SHISA9: variants seen among roughly 807,000 people sequenced by gnomAD.
The protein encoded by SHISA9 is protein shisa-9.
SHISA9 carries 13 observed loss-of-function variants against 38.0 expected under a neutral mutation model. That is an observed-to-expected ratio of 0.34 (90% CI 0.22 to 0.54). The LOEUF (loss-of-function observed/expected upper bound fraction) is 0.54, where lower values mean the gene tolerates loss of function less well. Ranked by LOEUF, SHISA9 falls within the 20% of genes least tolerant of loss-of-function variation. The pLI is 0.91. For synonymous variants in SHISA9, 275 were observed against 242.0 expected (o/e 1.14, Z -1.27); for missense variants, 538 against 575.8 (o/e 0.93, Z 0.67).
chr16:13,409,753 G>C, the SHISA9 span, among the ~76,000 whole-genome samples: 1 of 152,228 alleles, frequency 6.6e-6, no homozygotes, highest in South Asian at 2.1e-4. Flanking sequence ...TAACAAGAGA[G>C]AAGTTCAGGT....
At chr16:13,430,744 CAAA>C in the SHISA9 span, among the ~76,000 whole-genome samples, 1 of 143,662 alleles carries the variant, frequency 7.0e-6, no homozygotes. Flanking sequence ...CATCTCTAAA[CAAA>C]AAAAAAAAAA....
At chr16:13,209,789 G>T (rs1022089612) in intron 3 of SHISA9, among the ~76,000 whole-genome samples, 8 of 152,194 alleles carry the variant, frequency 5.3e-5, no homozygotes, top group African/African-American at 1.9e-4. Context: ...CCAAAGTTTG[G>T]AAGACAGACG....
At chr16:13,470,668 G>C in the SHISA9 span, among the ~76,000 whole-genome samples, 1 of 152,070 alleles carries the variant, frequency 6.6e-6, no homozygotes. Context: ...ACAATTCAAG[G>C]TGATATTTGA....
the SHISA9 span, among the ~76,000 whole-genome samples, chr16:13,434,897 G>A: frequency 4.6e-5 from 7 of 152,168 alleles, no homozygotes; most frequent in African/African-American, 9.7e-5. Context: ...CAAAGTAGTT[G>A]GAGCCTGTTT....
At chr16:13,471,566 G>T in the SHISA9 span, among the ~76,000 whole-genome samples, 2 of 152,260 alleles carry the variant, frequency 1.3e-5, no homozygotes, top group African/African-American at 2.4e-5. Flanking sequence ...TGCTTCCCCT[G>T]CAGTGACAAC....
chr16:13,290,492 C>T, the SHISA9 span, among the ~76,000 whole-genome samples: 2 of 152,122 alleles, frequency 1.3e-5, no homozygotes, highest in South Asian at 4.2e-4. Flanking sequence ...AGCGTGGTAT[C>T]TTGTTTTGCT....
At chr16:13,158,553 T>C (rs1016269640) in intron 2 of SHISA9, among the ~76,000 whole-genome samples, 9 of 152,202 alleles carry the variant, frequency 5.9e-5, no homozygotes, top group African/African-American at 2.2e-4. Flanking sequence ...GCTTATTCAC[T>C]GTCCCTGTTA....
chr16:13,532,650 T>C, the SHISA9 span, among the ~76,000 whole-genome samples: 8 of 152,098 alleles, frequency 5.3e-5, no homozygotes, highest in African/African-American at 1.9e-4. Context: ...GTGCCAAAAG[T>C]TGGGAAAGTG....
chr16:13,512,423 T>C, the SHISA9 span, among the ~76,000 whole-genome samples: 1 of 152,086 alleles, frequency 6.6e-6, no homozygotes, highest in Non-Finnish European at 1.5e-5. Flanking sequence ...AAAATGGCCA[T>C]ACTGCCCAAA....
At chr16:13,478,919 T>A in the SHISA9 span, among the ~76,000 whole-genome samples, 1 of 152,194 alleles carries the variant, frequency 6.6e-6, no homozygotes, top group Non-Finnish European at 1.5e-5. Flanking sequence ...AGGTAACACA[T>A]TGTATTAGTG....
intron 2 of SHISA9, among the ~76,000 whole-genome samples, chr16:13,105,981 T>A (rs2073922175): frequency 1.3e-5 from 2 of 152,194 alleles, no homozygotes; most frequent in African/African-American, 4.8e-5. Flanking sequence ...TGCCCTGGTC[T>A]CTCTATTCCC....
chr16:12,930,335 A>G (rs1027125746), intron 2 of SHISA9, among the ~76,000 whole-genome samples: 2 of 152,248 alleles, frequency 1.3e-5, no homozygotes, highest in Non-Finnish European at 2.9e-5. Context: ...CAGTGCTGTT[A>G]TCAGAGTCTA....
Position 13,211,113 on chromosome 16 carries a change from G to A in SHISA9, c.848-2140G>A, listed in dbSNP as rs529773773. Reference sequence around the variant, plus strand: ...GGAGTTCGAGACCAGCCTGGCCAACGTGGTGAAACCCCATCTCTACTAAAA... The same window carrying A: ...GGAGTTCGAGACCAGCCTGGCCAACATGGTGAAACCCCATCTCTACTAAAA... On this transcript the variant is annotated intron_variant, in intron 3 of 4. Transcript: ENST00000558583. Among the ~76,000 whole-genome samples, 203 of 152,064 alleles carry A rather than the reference G, an allele frequency of 1.3e-3. 1 individual carries two copies. Among genetic ancestry groups the A allele is most frequent in the African/African-American group, 4.6e-3 (192 of 41,492 alleles).
chr16:13,488,963 C>T, the SHISA9 span, among the ~76,000 whole-genome samples: 5 of 151,998 alleles, frequency 3.3e-5, no homozygotes, highest in African/African-American at 1.2e-4. Context: ...TTACTAGAGA[C>T]GGGGTTTCAC....
chr16:12,940,782 C>T (rs1025845383), intron 2 of SHISA9, among the ~76,000 whole-genome samples: 13 of 152,082 alleles, frequency 8.5e-5, no homozygotes, highest in African/African-American at 2.7e-4. Context: ...GGTGTAACCT[C>T]GGGGGAGGTG....
chr16:13,291,836 G>A, the SHISA9 span, among the ~76,000 whole-genome samples: 2 of 152,082 alleles, frequency 1.3e-5, no homozygotes, highest in Non-Finnish European at 2.9e-5. Context: ...AACACTTGTG[G>A]TAGGCAAACT....
chr16:12,942,360 C>A (rs1293267637), intron 2 of SHISA9, among the ~76,000 whole-genome samples: 4 of 152,206 alleles, frequency 2.6e-5, no homozygotes. Context: ...GTTCCTGGAA[C>A]ACTGACACTT....
At chr16:13,318,918 T>G in the SHISA9 span, among the ~76,000 whole-genome samples, 1 of 152,250 alleles carries the variant, frequency 6.6e-6, no homozygotes, top group Non-Finnish European at 1.5e-5. Context: ...CTCAGAGCTC[T>G]CCACCATGTG....
At chr16:13,425,443 C>T in the SHISA9 span, among the ~76,000 whole-genome samples, 7 of 151,354 alleles carry the variant, frequency 4.6e-5, no homozygotes, top group Non-Finnish European at 5.9e-5. Flanking sequence ...GCTGAGATTG[C>T]ACACCTGCAC....
Sources: gnomAD v4.1 joint callset for allele counts (sites outside exome capture counted in the v4.1 genomes callset) on GRCh38, gnomAD v4.1.1 for gene constraint, MANE v1.5 for transcripts, NCBI Gene and HGNC (gene_info 2026-07-23, HGNC 2026-07-21) for gene names.